ARB2A: variants seen among roughly 807,000 people sequenced by gnomAD.
ARB2A encodes ARB2 cotranscriptional regulator A.
the ARB2A span, among the ~76,000 whole-genome samples, chr5:93,993,441 G>A: frequency 6.6e-6 from 1 of 152,002 alleles, no homozygotes; most frequent in African/African-American, 2.4e-5. Context: ...CCCACAGACA[G>A]GCTAGCTCAT....
the ARB2A span, among the ~76,000 whole-genome samples, chr5:94,069,039 A>AAGATAGATAGATATAT: frequency 2.9e-5 from 4 of 140,296 alleles, no homozygotes; most frequent in African/African-American, 1.1e-4. Context: ...CTGTCTTAAA[A>AAGATAGATAGATATAT]AGATAGATAG....
chr5:93,734,986 A>AC, the ARB2A span: 1 of 152,052 alleles, frequency 6.6e-6, no homozygotes, highest in African/African-American at 2.4e-5. Flanking sequence ...CGAACTCCTG[A>AC]CCTCAAGTGA....
At chr5:93,784,020 C>A in the ARB2A span, among the ~76,000 whole-genome samples, 1 of 152,058 alleles carries the variant, frequency 6.6e-6, no homozygotes. Context: ...GTACCTTATG[C>A]GTCTTTCTTG....
chr5:93,675,269 T>C, the ARB2A span, among the ~76,000 whole-genome samples: 3 of 152,186 alleles, frequency 2.0e-5, no homozygotes, highest in African/African-American at 7.2e-5. Flanking sequence ...ATCATTCTAC[T>C]AAAGAAAAAC....
At chr5:93,741,625 G>C in the ARB2A span, 1 of 1,439,670 alleles carries the variant, frequency 6.9e-7, no homozygotes, top group African/African-American at 1.4e-5. Flanking sequence ...CTTCAGAACA[G>C]CCACCGGCCC....
At chr5:93,958,959 T>C in the ARB2A span, 10 of 1,581,032 alleles carry the variant, frequency 6.3e-6, no homozygotes, top group South Asian at 1.2e-5. Context: ...TCACTCTCAG[T>C]GGCATCTACC....
At chr5:93,723,834 G>A in the ARB2A span, among the ~76,000 whole-genome samples, 1 of 152,014 alleles carries the variant, frequency 6.6e-6, no homozygotes, top group East Asian at 1.9e-4. Flanking sequence ...ATTCCATGGA[G>A]TTGTGCCTAG....
At chr5:94,109,878 CTTT>C in the ARB2A span, among the ~76,000 whole-genome samples, 75 of 96,228 alleles carry the variant, frequency 7.8e-4, no homozygotes, top group African/African-American at 2.6e-3. Flanking sequence ...CTCTATACCT[CTTT>C]TTTTTTTTTT....
the ARB2A span, among the ~76,000 whole-genome samples, chr5:93,777,991 C>T: frequency 6.6e-6 from 1 of 151,972 alleles, no homozygotes; most frequent in African/African-American, 2.4e-5. Context: ...TTGTAAGAAA[C>T]AGTAGATCAA....
chr5:94,026,678 C>T, the ARB2A span, among the ~76,000 whole-genome samples: 1 of 152,082 alleles, frequency 6.6e-6, no homozygotes, highest in Non-Finnish European at 1.5e-5. Flanking sequence ...TAAAGTACGC[C>T]AAATGGGAAG....
chr5:93,743,879 G>T, the ARB2A span, among the ~76,000 whole-genome samples: 1 of 152,088 alleles, frequency 6.6e-6, no homozygotes, highest in East Asian at 1.9e-4. Flanking sequence ...TATTAGCCAG[G>T]ATGGTCTCGA....
At chr5:94,090,402 T>C in the ARB2A span, among the ~76,000 whole-genome samples, 12 of 152,242 alleles carry the variant, frequency 7.9e-5, 1 homozygote, top group Non-Finnish European at 1.5e-5. Context: ...TGAAGTTGCT[T>C]ATCAGCTTAA....
the ARB2A span, chr5:94,050,639 G>T: frequency 2.3e-6 from 2 of 855,122 alleles, no homozygotes; most frequent in Non-Finnish European, 3.5e-6. Context: ...ACATTTTGTA[G>T]AAAGAGTGCA....
chr5:93,668,241 C>T, the ARB2A span, among the ~76,000 whole-genome samples: 1 of 152,120 alleles, frequency 6.6e-6, no homozygotes, highest in Non-Finnish European at 1.5e-5. Flanking sequence ...GTGGCTGTGA[C>T]TACAGGCATG....
At chr5:93,628,425 C>T in the ARB2A span, among the ~76,000 whole-genome samples, 1 of 152,290 alleles carries the variant, frequency 6.6e-6, no homozygotes, top group East Asian at 1.9e-4. Flanking sequence ...AAGTCATCAG[C>T]TTCATTAGCC....
the ARB2A span, among the ~76,000 whole-genome samples, chr5:94,072,819 T>C: frequency 6.6e-6 from 1 of 152,294 alleles, no homozygotes; most frequent in African/African-American, 2.4e-5. Flanking sequence ...ATAACTTTCT[T>C]GTGAATAATA....
chr5:93,645,189 C>T, the ARB2A span, among the ~76,000 whole-genome samples: 440 of 152,254 alleles, frequency 2.9e-3, 1 homozygote, highest in Non-Finnish European at 4.5e-3. Flanking sequence ...TCATATCTTT[C>T]CTGACATGAA....
At chr5:93,848,312 GGCGGAGGTTGCAGTGA>G in the ARB2A span, among the ~76,000 whole-genome samples, 1 of 151,880 alleles carries the variant, frequency 6.6e-6, no homozygotes, top group Non-Finnish European at 1.5e-5. Context: ...GAACCCGGGA[GGCGGAGGTTGCAGTGA>G]GCTGAGATCG....
chr5:94,010,970 TA>T, the ARB2A span, among the ~76,000 whole-genome samples: 2 of 152,150 alleles, frequency 1.3e-5, no homozygotes, highest in Non-Finnish European at 2.9e-5. Context: ...AAATATAAGG[TA>T]ACAAAATCTG....
Sources: allele counts gnomAD v4.1 joint callset (sites outside exome capture counted in the v4.1 genomes callset), GRCh38; gene constraint gnomAD v4.1.1; transcripts MANE v1.5; gene names NCBI Gene and HGNC (gene_info 2026-07-23, HGNC 2026-07-21).